CDYL: variants seen among roughly 807,000 people sequenced by gnomAD.
CDYL encodes the protein chromodomain Y-like protein.
A neutral mutation model predicts 47.3 loss-of-function variants in CDYL; 8 were observed. The ratio of observed to expected loss-of-function variants is 0.17; its 90% CI spans 0.10 to 0.31. The LOEUF is 0.31. Ranked by LOEUF, CDYL falls within the 10% of genes least tolerant of loss-of-function variation. The pLI is 1.00. For synonymous variants in CDYL, 266 were observed against 265.0 expected (o/e 1.00, Z -0.04); for missense variants, 471 against 701.4 (o/e 0.67, Z 3.71).
At chr6:4,800,803 G>A (rs548571342) in intron 1 of CDYL, among the ~76,000 whole-genome samples, 32 of 152,164 alleles carry the variant, frequency 2.1e-4, no homozygotes, top group African/African-American at 7.0e-4. Flanking sequence ...TGTTCTTATC[G>A]TTATTGTTGC....
intron 2 of CDYL, among the ~76,000 whole-genome samples, chr6:4,903,986 C>A (rs899016330): frequency 2.0e-5 from 3 of 152,236 alleles, no homozygotes; most frequent in African/African-American, 7.2e-5. Flanking sequence ...GAGCCCCTGA[C>A]TTCCAGGAGC....
At chr6:4,806,576 TGGGAGGAG>T (rs1410711975) in intron 1 of CDYL, among the ~76,000 whole-genome samples, 1 of 152,218 alleles carries the variant, frequency 6.6e-6, no homozygotes, top group Non-Finnish European at 1.5e-5. Flanking sequence ...GGAAAGTCTT[TGGGAGGAG>T]CTATGCAGGC....
intron 2 of CDYL, among the ~76,000 whole-genome samples, chr6:4,893,242 G>C (rs1762100666): frequency 6.6e-6 from 1 of 152,330 alleles, no homozygotes; most frequent in African/African-American, 2.4e-5. Context: ...TTCAGTAGCA[G>C]GTGTGCCCTG....
At chr6:4,875,803 C>T (rs923619333) in intron 1 of CDYL, among the ~76,000 whole-genome samples, 5 of 152,058 alleles carry the variant, frequency 3.3e-5, no homozygotes, top group Non-Finnish European at 5.9e-5. Context: ...TGTTTATAAC[C>T]CACTACAAAG....
chr6:4,815,480 C>T (rs1272383111), intron 1 of CDYL, among the ~76,000 whole-genome samples: 1 of 152,220 alleles, frequency 6.6e-6, no homozygotes, highest in South Asian at 2.1e-4. Context: ...TTCCAATAGA[C>T]TTACTATGTC....
chr6:4,771,976 A>G (rs774259688), upstream of CDYL, among the ~76,000 whole-genome samples: 90 of 152,372 alleles, frequency 5.9e-4, no homozygotes, highest in African/African-American at 2.1e-3. Context: ...AAAATTATCA[A>G]TGAAAAACTT....
intron 2 of CDYL, among the ~76,000 whole-genome samples, chr6:4,910,857 G>A (rs539910588): frequency 2.0e-5 from 3 of 151,424 alleles, no homozygotes; most frequent in Non-Finnish European, 4.4e-5. Context: ...TCCCCAAGAC[G>A]GAGTCTCTCT....
chr6:4,716,717 C>A (rs7770715), intron 2 of CDYL, among the ~76,000 whole-genome samples: 3 of 151,302 alleles, frequency 2.0e-5, no homozygotes, highest in Non-Finnish European at 4.4e-5. Context: ...CTAGATACCA[C>A]GAGAGCTAGC....
intron 1 of CDYL, among the ~76,000 whole-genome samples, chr6:4,791,585 G>T (rs1334028236): frequency 6.6e-6 from 1 of 152,120 alleles, no homozygotes; most frequent in Non-Finnish European, 1.5e-5. Flanking sequence ...TGAACTAGCT[G>T]ACATCCACTT....
At chr6:4,803,851 T>C (rs1193945004) in intron 1 of CDYL, among the ~76,000 whole-genome samples, 2 of 151,916 alleles carry the variant, frequency 1.3e-5, no homozygotes, top group African/African-American at 4.8e-5. Context: ...CAACTCTATG[T>C]GTGTATGTGT....
At chr6:4,803,993 T>G (rs1390041782) in intron 1 of CDYL, among the ~76,000 whole-genome samples, 1 of 150,902 alleles carries the variant, frequency 6.6e-6, no homozygotes, top group East Asian at 1.9e-4. Context: ...TTTTTTTTTT[T>G]GCTCTCCTAA....
In CDYL at chr6:4,776,726, C is replaced by CCCGGCG. The variant is rs1320438665; in HGVS notation, c.-49_-44dup. On this transcript the variant is annotated 5_prime_UTR_variant, in exon 1 of 7. Transcript: ENST00000397588. The stretch of plus-strand genomic sequence containing the variant: ...CCCAACTGAAACAAAGTGTCGGCCG[C>CCCGGCG]CCGGCGCCGGCGCCCGCCCCGACCC... The CCCGGCG allele has an allele frequency of 6.3e-6, 8 of 1,274,746 alleles. No individual in the cohort carries two copies. The highest frequency in any genetic ancestry group is 1.6e-5 in the African/African-American group (1 of 61,774). The allele number at this position is 1,274,746 out of a possible 1,614,324, so 79.0% of individuals were successfully genotyped here. A position where few individuals can be genotyped will look rare whatever the true frequency, so the allele number is the denominator to read the frequency against.
At chr6:4,737,606 T>G (rs1757725753) in intron 3 of CDYL, among the ~76,000 whole-genome samples, 1 of 150,918 alleles carries the variant, frequency 6.6e-6, no homozygotes, top group East Asian at 1.9e-4. Context: ...GTGATCATGT[T>G]GCAAAACTCC....
chr6:4,849,869 T>C (rs1760771870), intron 1 of CDYL, among the ~76,000 whole-genome samples: 1 of 126,942 alleles, frequency 7.9e-6, no homozygotes, highest in South Asian at 2.6e-4. Flanking sequence ...GTGTGTTTGA[T>C]GGTGAGATGG....
chr6:4,915,606 C>CGG, intron 2 of CDYL, among the ~76,000 whole-genome samples: 1 of 152,184 alleles, frequency 6.6e-6, no homozygotes, highest in Non-Finnish European at 1.5e-5. Context: ...CTGTAGCAAC[C>CGG]AGATACCAAC....
intron 4 of CDYL, among the ~76,000 whole-genome samples, chr6:4,941,891 T>A (rs1758370121): frequency 6.6e-6 from 1 of 152,222 alleles, no homozygotes; most frequent in South Asian, 2.1e-4. Context: ...AAATTGGAGC[T>A]ACTCAGATTT....
At position 4,759,990 on chromosome 6, in the gene CDYL, C is replaced by A. The variant is rs187278031; in HGVS notation, c.186+25146C>A. On this transcript the variant is annotated intron_variant, in intron 3 of 8. Coordinates refer to the CDYL transcript ENST00000328908. ...AACAAAAGAAATTATAGGACTTTTACAGTAATTTTCCTTGAAGAGATTAGT... is the reference window on the plus strand; with the variant it reads ...AACAAAAGAAATTATAGGACTTTTAAAGTAATTTTCCTTGAAGAGATTAGT... 3.6e-4 allele frequency among the ~76,000 whole-genome samples: 51 copies of A among 143,152 alleles called. 2 individuals are homozygous for A. The East Asian group carries it at 4.5e-3, about 13-fold the overall frequency. 93.9% of individuals were successfully genotyped at this position (143,152 alleles called of 152,430 possible). A position where few individuals can be genotyped will look rare whatever the true frequency, so the allele number is the denominator to read the frequency against.
At position 4,955,175 on chromosome 6, in the gene CDYL, C is replaced by T. The variant is rs1472465304; in HGVS notation, c.*1119C>T. On this transcript the variant is annotated 3_prime_UTR_variant, in exon 7 of 7. Transcript: ENST00000397588. Reference sequence around the variant, plus strand: ...GTTCAGTATGGTGTCCAAGAGTGCCCTGTGTGGATAGACATGTGCACTCCT... The same window carrying T: ...GTTCAGTATGGTGTCCAAGAGTGCCTTGTGTGGATAGACATGTGCACTCCT... 6.6e-6 allele frequency: 1 copy of T among 152,532 alleles called. No homozygotes were observed. Among genetic ancestry groups the T allele is most frequent in the East Asian group, 1.9e-4 (1 of 5,194 alleles). The allele number at this position is 152,532 out of a possible 1,614,324, so 9.4% of individuals were successfully genotyped here. A position where few individuals can be genotyped will look rare whatever the true frequency, so the allele number is the denominator to read the frequency against.
Position 4,895,538 on chromosome 6 carries a change from T to TAC in CDYL, c.691+3159_691+3160insAC, listed in dbSNP as rs1762254644. Among the ~76,000 whole-genome samples, 3 of 149,686 alleles carry TAC rather than the reference T, an allele frequency of 2.0e-5. 1 individual carries two copies. Among genetic ancestry groups the TAC allele is most frequent in the African/African-American group, 7.6e-5 (3 of 39,654 alleles). ...ATGTATATATACATGTATACATATA[T>TAC]GTGTATATGTGTGTGTGTATATATA... On this transcript the variant is annotated intron_variant, in intron 2 of 6. Transcript: ENST00000397588.
Sources: gnomAD v4.1 joint callset for allele counts (sites outside exome capture counted in the v4.1 genomes callset) on GRCh38, gnomAD v4.1.1 for gene constraint, MANE v1.5 for transcripts, NCBI Gene and HGNC (gene_info 2026-07-23, HGNC 2026-07-21) for gene names.